CD226: variants seen among roughly 807,000 people sequenced by gnomAD.
CD226 encodes CD226 molecule.
Under a neutral mutation model 34.9 loss-of-function variants are expected in CD226, and 24 were observed. That is an observed-to-expected ratio of 0.69 (90% CI 0.50 to 0.97). The LOEUF is 0.97. CD226 is among the 50% of genes least tolerant of loss of function. The pLI, the probability that CD226 is intolerant of heterozygous loss-of-function variation, is 0.00. For synonymous variants in CD226, 148 were observed against 147.4 expected (o/e 1.00, Z -0.03); for missense variants, 397 against 412.7 (o/e 0.96, Z 0.33).
In CD226 at chr18:69,866,359, G is replaced by A. The variant is rs1373250731; in HGVS notation, c.885+998C>T. 2.0e-5 allele frequency among the ~76,000 whole-genome samples: 3 copies of A among 152,172 alleles called. 1 individual carries two copies. The highest frequency in any genetic ancestry group is 2.9e-5 in the Non-Finnish European group (2 of 68,024). ...GAAGTATAGTGGGGATAACGAGCAT[G>A]AAAATACATATCCCTCTTATCTGCA... On this transcript the variant is annotated intron_variant, in intron 5 of 5. Transcript: ENST00000582621.
At chr18:69,900,927 G>A (rs1020684034) in intron 2 of CD226, among the ~76,000 whole-genome samples, 4 of 152,048 alleles carry the variant, frequency 2.6e-5, no homozygotes, top group African/African-American at 9.7e-5. Flanking sequence ...ATGCCTAAAC[G>A]AATTGAGAGT....
At chr18:69,901,828 G>A (rs563600552) in intron 2 of CD226, among the ~76,000 whole-genome samples, 26 of 151,064 alleles carry the variant, frequency 1.7e-4, no homozygotes, top group African/African-American at 4.4e-4. Context: ...GCAGTGAGCC[G>A]AGATCGCACC....
In CD226 at chr18:69,915,049, A is replaced by G. The variant is rs764142421; in HGVS notation, c.383-19004T>C. Among the ~76,000 whole-genome samples, 3 of 152,320 alleles carry G rather than the reference A, an allele frequency of 2.0e-5. No individual in the cohort carries two copies. In the South Asian group the frequency reaches 6.2e-4, roughly 32 times the overall value. ...CAGGGTAATCACATCTTCTAGTCAT[A>G]GTTCACGGTGATTCTAAATGGAGGT... On this transcript the variant is annotated intron_variant, in intron 2 of 5. Transcript: ENST00000582621.
chr18:69,886,660 C>T (rs1417510563), intron 3 of CD226, among the ~76,000 whole-genome samples: 3 of 151,588 alleles, frequency 2.0e-5, no homozygotes, highest in South Asian at 2.1e-4. Flanking sequence ...GAGCCGAGAT[C>T]GTGCCATTGC....
intron 5 of CD226, among the ~76,000 whole-genome samples, chr18:69,865,104 C>G (rs1306627742): frequency 6.6e-6 from 1 of 152,090 alleles, no homozygotes; most frequent in African/African-American, 2.4e-5. Context: ...GCAATTCTGC[C>G]TCAGCCTCAC....
chr18:69,932,853 T>C (rs904472662), intron 2 of CD226, among the ~76,000 whole-genome samples: 7 of 152,128 alleles, frequency 4.6e-5, no homozygotes, highest in African/African-American at 1.7e-4. Flanking sequence ...ACACAAACAA[T>C]GTAAGCATCA....
chr18:69,960,617 T>C (rs2055925523), upstream of CD226, among the ~76,000 whole-genome samples: 1 of 152,178 alleles, frequency 6.6e-6, no homozygotes, highest in South Asian at 2.1e-4. Context: ...GCATGGCTAA[T>C]TTTTGTAATT....
At chr18:69,939,412 C>T (rs2055695840) in intron 2 of CD226, among the ~76,000 whole-genome samples, 1 of 152,184 alleles carries the variant, frequency 6.6e-6, no homozygotes, top group African/African-American at 2.4e-5. Flanking sequence ...TCATGAGCTT[C>T]ATCCATGTCG....
intron 5 of CD226, 65 bp from the exon 6 acceptor site, chr18:69,864,504 C>G: frequency 1.3e-6 from 2 of 1,489,438 alleles, no homozygotes; most frequent in South Asian, 2.4e-5. Flanking sequence ...TGAAGACATT[C>G]AAAACATACC....
chr18:69,894,255 A>T (rs1411634787), intron 3 of CD226, among the ~76,000 whole-genome samples: 1 of 146,486 alleles, frequency 6.8e-6, no homozygotes, highest in Non-Finnish European at 1.5e-5. Flanking sequence ...CAATCATACA[A>T]AGTGGATCTA....
At chr18:69,954,058 T>C (rs899640618) in intron 1 of CD226, among the ~76,000 whole-genome samples, 4 of 152,070 alleles carry the variant, frequency 2.6e-5, no homozygotes, top group Admixed American at 6.5e-5. Flanking sequence ...AACAATGTTA[T>C]GTGAATTTCA....
intron 2 of CD226, among the ~76,000 whole-genome samples, chr18:69,914,227 G>A (rs576665802): frequency 1.1e-4 from 16 of 152,138 alleles, no homozygotes; most frequent in Middle Eastern, 3.4e-3. Flanking sequence ...ACTACTCTAC[G>A]ACCTTGACAT....
At chr18:69,950,118 A>T (rs1028382019), upstream of CD226, among the ~76,000 whole-genome samples, 1 of 151,818 alleles carries the variant, frequency 6.6e-6, no homozygotes, top group Admixed American at 6.6e-5. Flanking sequence ...ACATGCTCAC[A>T]TATGCACACA....
intron 2 of CD226, among the ~76,000 whole-genome samples, chr18:69,939,835 T>C (rs1267004228): frequency 6.6e-6 from 1 of 152,210 alleles, no homozygotes; most frequent in African/African-American, 2.4e-5. Flanking sequence ...AGAGGGATTC[T>C]GCAGCAGATG....
At chr18:69,959,703 T>C (rs2055920551), upstream of CD226, among the ~76,000 whole-genome samples, 1 of 152,194 alleles carries the variant, frequency 6.6e-6, no homozygotes, top group South Asian at 2.1e-4. Context: ...ATGGAGACAA[T>C]TGTTAATAGA....
At chr18:69,876,590 A>G (rs4891784) in intron 3 of CD226, among the ~76,000 whole-genome samples, 11,905 of 152,086 alleles carry the variant, frequency 0.078, 475 homozygotes, top group Middle Eastern at 0.11. Context: ...ACCTGTGTAG[A>G]AAAAAAACTC....
At chr18:69,928,147 TCCC>T (rs2055545934) in intron 2 of CD226, among the ~76,000 whole-genome samples, 4 of 152,224 alleles carry the variant, frequency 2.6e-5, no homozygotes, top group Non-Finnish European at 4.4e-5. Flanking sequence ...AAACCTTTGT[TCCC>T]ACCCAGGGGA....
chr18:69,945,110 C>A (rs1217921906), intron 2 of CD226, among the ~76,000 whole-genome samples: 2 of 152,158 alleles, frequency 1.3e-5, no homozygotes, highest in Non-Finnish European at 2.9e-5. Context: ...TTGAGAGACA[C>A]CACACAAGAA....
intron 4 of CD226, among the ~76,000 whole-genome samples, chr18:69,868,811 A>ACACACT (rs1983315893): frequency 6.6e-6 from 1 of 151,878 alleles, no homozygotes; most frequent in Non-Finnish European, 1.5e-5. Flanking sequence ...ACGCACACAC[A>ACACACT]CACACACACA....
Sources: gnomAD v4.1 joint callset for allele counts (sites outside exome capture counted in the v4.1 genomes callset) on GRCh38, gnomAD v4.1.1 for gene constraint, MANE v1.5 for transcripts, NCBI Gene and HGNC (gene_info 2026-07-23, HGNC 2026-07-21) for gene names.